The following DLGAP2 variants were observed in gnomAD, a reference collection of about 807,000 sequenced individuals.
DLGAP2 encodes disks large-associated protein 2.
In DLGAP2, 26 loss-of-function variants were observed where a neutral mutation model predicts 100.3. The ratio of observed to expected loss-of-function variants is 0.26; its 90% confidence interval spans 0.19 to 0.36. The LOEUF (loss-of-function observed/expected upper bound fraction) is 0.36, where lower values mean the gene tolerates loss of function less well. DLGAP2 is among the 10% of genes least tolerant of loss of function. DLGAP2 has a pLI of 1.00. For missense variants in DLGAP2, 1,858 were observed against 1,453.2 expected (o/e 1.28, Z -4.53); for synonymous variants, 886 against 630.1 (o/e 1.41, Z -6.08).
chr8:1,473,895 C>A (rs1468970115), intron 3 of DLGAP2, among the ~76,000 whole-genome samples: 3 of 152,180 alleles, frequency 2.0e-5, no homozygotes, highest in Non-Finnish European at 4.4e-5. Context: ...GAGGCCTCCC[C>A]AGCCATGTGG....
intron 2 of DLGAP2, among the ~76,000 whole-genome samples, chr8:1,253,471 A>G (rs1240695355): frequency 6.6e-6 from 1 of 152,244 alleles, no homozygotes; most frequent in Non-Finnish European, 1.5e-5. Context: ...CTCCAAAAAT[A>G]TGTGCATAAA....
At chr8:1,096,207 C>T (rs535190791) in intron 2 of DLGAP2, among the ~76,000 whole-genome samples, 1 of 152,318 alleles carries the variant, frequency 6.6e-6, no homozygotes, top group East Asian at 1.9e-4. Flanking sequence ...GCTGCCAAAC[C>T]AGGACTGTTG....
chr8:794,584 C>G (rs962981754), intron 1 of DLGAP2, among the ~76,000 whole-genome samples: 2 of 152,234 alleles, frequency 1.3e-5, no homozygotes, highest in South Asian at 4.1e-4. Context: ...TTGTTTGTGG[C>G]TTAGGAATGC....
At chr8:1,413,464 A>C (rs1007321410) in intron 3 of DLGAP2, among the ~76,000 whole-genome samples, 1 of 152,240 alleles carries the variant, frequency 6.6e-6, no homozygotes, top group African/African-American at 2.4e-5. Context: ...AAAAGTCACT[A>C]TGCATATTTT....
chr8:1,583,524 G>C (rs1584954321), intron 6 of DLGAP2, among the ~76,000 whole-genome samples: 1 of 152,190 alleles, frequency 6.6e-6, no homozygotes, highest in South Asian at 2.1e-4. Flanking sequence ...TGCAGAGTCA[G>C]GCTGACATCT....
chr8:1,423,256 G>T (rs141674507), intron 3 of DLGAP2, among the ~76,000 whole-genome samples: 1 of 82,646 alleles, frequency 1.2e-5, no homozygotes, highest in African/African-American at 4.7e-5. Flanking sequence ...ACTCTACTTA[G>T]TCACAGCTCT....
chr8:1,487,856 C>A (rs566632214), intron 3 of DLGAP2, among the ~76,000 whole-genome samples: 2 of 152,240 alleles, frequency 1.3e-5, no homozygotes, highest in Admixed American at 1.3e-4. Context: ...ACGTGGTGGC[C>A]CCTTTACCCG....
intron 2 of DLGAP2, among the ~76,000 whole-genome samples, chr8:1,210,686 T>C (rs1176869719): frequency 6.6e-6 from 1 of 152,154 alleles, no homozygotes; most frequent in African/African-American, 2.4e-5. Flanking sequence ...CTGGGGCCAC[T>C]TGAGGCCAAA....
rs551558542 is a variant in DLGAP2 at position 870,419 on chromosome 8, A to G, written c.19-37493A>G. On this transcript the variant is annotated intron_variant, in intron 1 of 14. Coordinates refer to ENST00000637795, the MANE Select transcript of DLGAP2 (RefSeq NM_001346810.2). Reference sequence around the variant, plus strand: ...CCTAAACACGCAGCTGCCCTTGAAGACTCACTGCTTATGTTAGTGGGTCTG... The same window carrying G: ...CCTAAACACGCAGCTGCCCTTGAAGGCTCACTGCTTATGTTAGTGGGTCTG... Among the ~76,000 whole-genome samples the G allele has an allele frequency of 3.3e-5, 5 of 151,924 alleles. No individual in the cohort carries two copies. The East Asian group carries it at 5.8e-4, about 18-fold the overall frequency.
In DLGAP2 at chr8:1,007,557, A is replaced by G. The variant is rs560994432; in HGVS notation, c.73+99591A>G. On this transcript the variant is annotated intron_variant, in intron 2 of 14. Transcript: ENST00000637795. ...CGGATGTACACGAAGCCATGTGGCCATAGTCTGGCATGCTCCCTTTAAGGC... is the reference window on the plus strand; with the variant it reads ...CGGATGTACACGAAGCCATGTGGCCGTAGTCTGGCATGCTCCCTTTAAGGC... Among the ~76,000 whole-genome samples the G allele has an allele frequency of 2.7e-5, 4 of 150,648 alleles. No individual in the cohort carries two copies. In the South Asian group the frequency reaches 6.3e-4, roughly 24 times the overall value.
intron 3 of DLGAP2, among the ~76,000 whole-genome samples, chr8:1,272,623 A>T (rs1799605828): frequency 6.6e-6 from 1 of 152,202 alleles, no homozygotes; most frequent in Non-Finnish European, 1.5e-5. Context: ...CAGCTGTGGA[A>T]GGGAATAATC....
At chr8:1,554,925 G>A (rs1801907667) in intron 5 of DLGAP2, among the ~76,000 whole-genome samples, 1 of 152,234 alleles carries the variant, frequency 6.6e-6, no homozygotes, top group Non-Finnish European at 1.5e-5. Flanking sequence ...AGGGGCAAAA[G>A]AGGGAGAAAG....
At chr8:1,278,232 C>G (rs1799745319) in intron 3 of DLGAP2, among the ~76,000 whole-genome samples, 2 of 152,184 alleles carry the variant, frequency 1.3e-5, no homozygotes, top group Admixed American at 1.3e-4. Context: ...CTTGGACTCT[C>G]AATTATTTTA....
chr8:1,246,928 T>A (rs1798917052), intron 2 of DLGAP2: 1 of 120,720 alleles, frequency 8.3e-6, no homozygotes, highest in African/African-American at 3.7e-5. Flanking sequence ...AGTGTGGGAG[T>A]GATGGTCCAT....
chr8:1,049,599 C>G (rs1044477586), intron 2 of DLGAP2, among the ~76,000 whole-genome samples: 1 of 152,050 alleles, frequency 6.6e-6, no homozygotes, highest in Non-Finnish European at 1.5e-5. Flanking sequence ...CCATATTCCT[C>G]CACTCTGAAA....
intron 3 of DLGAP2, chr8:1,295,945 T>A (rs969298436): frequency 1.3e-5 from 2 of 152,306 alleles, no homozygotes; most frequent in Non-Finnish European, 2.9e-5. Context: ...AGAGTTATTA[T>A]CCTGGTTTTG....
At chr8:1,044,136 C>G (rs931122313) in intron 2 of DLGAP2, among the ~76,000 whole-genome samples, 1 of 152,154 alleles carries the variant, frequency 6.6e-6, no homozygotes, top group African/African-American at 2.4e-5. Context: ...CACAGTCCTC[C>G]TTGTAACCCA....
intron 4 of DLGAP2, among the ~76,000 whole-genome samples, chr8:1,540,812 C>T (rs569951684): frequency 1.3e-5 from 2 of 152,256 alleles, no homozygotes; most frequent in Non-Finnish European, 2.9e-5. Flanking sequence ...CTGGATAATA[C>T]AGTTCCACCT....
intron 2 of DLGAP2, among the ~76,000 whole-genome samples, chr8:1,030,355 G>A (rs1280287379): frequency 6.6e-6 from 1 of 152,058 alleles, no homozygotes; most frequent in Non-Finnish European, 1.5e-5. Context: ...TTCAAATACA[G>A]TTCTGTTCAA....
Sources: gnomAD v4.1 joint callset for allele counts (sites outside exome capture counted in the v4.1 genomes callset) on GRCh38, gnomAD v4.1.1 for gene constraint, MANE v1.5 for transcripts, NCBI Gene and HGNC (gene_info 2026-07-23, HGNC 2026-07-21) for gene names.